CFAP61: variants seen among roughly 807,000 people sequenced by gnomAD.
CFAP61 encodes cilia- and flagella-associated protein 61.
CFAP61 carries 107 observed loss-of-function variants against 135.6 expected under a neutral mutation model. That is an observed-to-expected ratio of 0.79 (90% confidence interval 0.67 to 0.93). The LOEUF (loss-of-function observed/expected upper bound fraction) is 0.93. Among genes scored for constraint, CFAP61 ranks in the 40% least tolerant of loss-of-function variants. The pLI, the probability that CFAP61 is intolerant of heterozygous loss-of-function variation, is 0.00. For missense variants in CFAP61, 1,507 were observed against 1,556.2 expected (o/e 0.97, Z 0.53); for synonymous variants, 575 against 578.5 (o/e 0.99, Z 0.09).
intron 9 of CFAP61, among the ~76,000 whole-genome samples, chr20:20,143,663 G>T (rs1388208565): frequency 1.3e-5 from 2 of 152,220 alleles, no homozygotes; most frequent in Admixed American, 1.3e-4. Context: ...GGCTGCCCCA[G>T]TTGTTTGCCT....
intron 22 of CFAP61, among the ~76,000 whole-genome samples, chr20:20,281,882 C>A (rs2054223475): frequency 6.6e-6 from 1 of 152,144 alleles, no homozygotes; most frequent in South Asian, 2.1e-4. Context: ...GTGAAACAAT[C>A]TGGGCATGGA....
At chr20:20,262,366 C>G (rs892043734) in intron 20 of CFAP61, among the ~76,000 whole-genome samples, 1 of 152,176 alleles carries the variant, frequency 6.6e-6, no homozygotes, top group Non-Finnish European at 1.5e-5. Context: ...CCAGCCACCA[C>G]GTTATGAGGA....
chr20:20,141,977 G>A (rs1054315000), intron 8 of CFAP61, among the ~76,000 whole-genome samples: 1 of 152,170 alleles, frequency 6.6e-6, no homozygotes, highest in Admixed American at 6.5e-5. Flanking sequence ...GCTCTGAGCT[G>A]AGTCCCAAAG....
At chr20:20,204,852 C>T (rs115759892) in intron 17 of CFAP61, among the ~76,000 whole-genome samples, 1 of 152,276 alleles carries the variant, frequency 6.6e-6, no homozygotes, top group African/African-American at 2.4e-5. Flanking sequence ...AAATCATCGC[C>T]ATGAGTCCAG....
At chr20:20,064,257 T>C (rs1277512526) in intron 2 of CFAP61, among the ~76,000 whole-genome samples, 1 of 152,190 alleles carries the variant, frequency 6.6e-6, no homozygotes, top group Non-Finnish European at 1.5e-5. Flanking sequence ...TAACAGGAAT[T>C]TCTTTTTCCA....
chr20:20,273,041 A>ATTTTTT (rs998055743), intron 21 of CFAP61, among the ~76,000 whole-genome samples: 3 of 127,358 alleles, frequency 2.4e-5, no homozygotes, highest in African/African-American at 6.0e-5. Flanking sequence ...GCCATGCTTA[A>ATTTTTT]TTTTTTTTTT....
In CFAP61 at chr20:20,140,096, G is replaced by A. The variant is rs1451396452; in HGVS notation, c.860-2761G>A. ...CCTTTGAGAGGAGTATTGACTGGACGGGGAGATGAGGGGAACCTCTGGGTG... is the reference window on the plus strand; with the variant it reads ...CCTTTGAGAGGAGTATTGACTGGACAGGGAGATGAGGGGAACCTCTGGGTG... On this transcript the variant is annotated intron_variant, in intron 8 of 26. Coordinates refer to ENST00000245957, the MANE Select transcript of CFAP61 (RefSeq NM_015585.4). Among the ~76,000 whole-genome samples, 11 of 150,508 alleles carry A rather than the reference G, an allele frequency of 7.3e-5. No individual in the cohort carries two copies. In the East Asian group the frequency reaches 1.6e-3, roughly 21 times the overall value.
rs1170015932 is a variant in CFAP61, at chr20:20,288,882, C to A, written c.3070C>A (p.Pro1024Thr). ...FDPTLEPVTE[P>T]PANLDRLIPM... is the part of the protein sequence containing the mutation. Reference sequence around the variant, plus strand: ...TCCAACCCTTGAGCCTGTGACCGAGCCACCAGCTAATCTTGACCGGCTCAT... The same window carrying A: ...TCCAACCCTTGAGCCTGTGACCGAGACACCAGCTAATCTTGACCGGCTCAT... The change falls in exon 23 of 27, where the codon CCA becomes ACA. Residue 1024 changes from proline to threonine, a missense_variant. By Grantham distance (38) the Pro-to-Thr change is conservative. Coordinates refer to ENST00000245957, the MANE Select transcript of CFAP61 (RefSeq NM_015585.4). 2 of 1,613,414 alleles carry A rather than the reference C, an allele frequency of 1.2e-6. No individual in the cohort carries two copies. The highest frequency in any genetic ancestry group is 2.7e-5 in the African/African-American group (2 of 74,900).
At chr20:20,246,964 T>A (rs2050500294) in intron 19 of CFAP61, among the ~76,000 whole-genome samples, 1 of 152,218 alleles carries the variant, frequency 6.6e-6, no homozygotes, top group Non-Finnish European at 1.5e-5. Context: ...GTTTCCACTT[T>A]ATAATTTTAT....
intron 20 of CFAP61, among the ~76,000 whole-genome samples, chr20:20,261,475 T>A (rs1007356): frequency 6.6e-6 from 1 of 151,962 alleles, no homozygotes; most frequent in Non-Finnish European, 1.5e-5. Context: ...AGTGGGTATC[T>A]GCCAAAGGCC....
intron 13 of CFAP61, among the ~76,000 whole-genome samples, chr20:20,179,228 C>T (rs918290910): frequency 6.6e-6 from 1 of 152,160 alleles, no homozygotes; most frequent in African/African-American, 2.4e-5. Context: ...TTCCTATACA[C>T]CAACCACAGT....
chr20:20,197,228 C>T lies in CFAP61; in HGVS notation c.1797+452C>T, dbSNP rs138874021. Among the ~76,000 whole-genome samples, 478 of 152,222 alleles carry T rather than the reference C, an allele frequency of 3.1e-3. 3 individuals are homozygous for T. Among genetic ancestry groups the T allele is most frequent in the African/African-American group, 0.011 (451 of 41,520 alleles). On this transcript the variant is annotated intron_variant, in intron 16 of 26. Coordinates refer to ENST00000245957, the MANE Select transcript of CFAP61 (RefSeq NM_015585.4). The stretch of plus-strand genomic sequence containing the variant: ...CATTCCAAATAAGCACTATACACAC[C>T]CCTACTAGGTGATGGAGAGAAAGTG...
chr20:20,083,357 G>A (rs1462472432), intron 6 of CFAP61, among the ~76,000 whole-genome samples: 1 of 151,960 alleles, frequency 6.6e-6, no homozygotes, highest in Admixed American at 6.6e-5. Context: ...AGGTTCGGAG[G>A]GGGTGAGGAA....
In CFAP61 at chr20:20,090,953, G is replaced by A; in HGVS notation, c.676G>A (p.Glu226Lys). ...LAELIEAQDEENHAVVCEVEG... is the reference protein window; with the variant it reads ...LAELIEAQDEKNHAVVCEVEG... ...CGAACTAATAGAGGCCCAAGATGAA[G>A]AGAATCATGCTGTTGTGTGTGAGGT... Residue 226 changes from glutamate to lysine, a missense_variant, in exon 7 of 27, where the codon GAG becomes AAG. By Grantham distance (56) the Glu-to-Lys change is moderately conservative. Coordinates refer to ENST00000245957, the MANE Select transcript of CFAP61 (RefSeq NM_015585.4). The A allele has an allele frequency of 6.2e-7, 1 of 1,614,156 alleles. No homozygotes were observed. Among genetic ancestry groups the A allele is most frequent in the Non-Finnish European group, 8.5e-7 (1 of 1,180,016 alleles).
At chr20:20,187,182 G>A (rs1358739718) in intron 13 of CFAP61, among the ~76,000 whole-genome samples, 3 of 152,216 alleles carry the variant, frequency 2.0e-5, no homozygotes, top group African/African-American at 7.2e-5. Flanking sequence ...TGACTCATGA[G>A]CCTCTCTATA....
chr20:20,305,570 C>T (rs775516495), intron 25 of CFAP61, among the ~76,000 whole-genome samples: 6 of 152,122 alleles, frequency 3.9e-5, no homozygotes, highest in African/African-American at 1.2e-4. Flanking sequence ...TCCCAATATC[C>T]GCCTCATCCC....
intron 7 of CFAP61, among the ~76,000 whole-genome samples, chr20:20,097,512 C>T (rs2146633720): frequency 6.6e-6 from 1 of 152,334 alleles, no homozygotes; most frequent in African/African-American, 2.4e-5. Flanking sequence ...TCACAGCCGT[C>T]TCTCCATGTG....
At chr20:20,205,222 G>A (rs1053041865) in intron 17 of CFAP61, among the ~76,000 whole-genome samples, 12 of 152,282 alleles carry the variant, frequency 7.9e-5, no homozygotes, top group African/African-American at 2.9e-4. Context: ...TTGCATTACT[G>A]TTACTTCCTG....
chr20:20,074,935 A>G (rs572431350), intron 4 of CFAP61, among the ~76,000 whole-genome samples: 83 of 152,290 alleles, frequency 5.5e-4, no homozygotes, highest in African/African-American at 1.9e-3. Flanking sequence ...GGTGTGCCAT[A>G]TGAACATGGC....
Sources: gnomAD v4.1 joint callset for allele counts (sites outside exome capture counted in the v4.1 genomes callset) on GRCh38, gnomAD v4.1.1 for gene constraint, MANE v1.5 for transcripts, NCBI Gene and HGNC (gene_info 2026-07-23, HGNC 2026-07-21) for gene names.